ZBTB20: variants seen among roughly 807,000 people sequenced by gnomAD.
The protein encoded by ZBTB20 is zinc finger and BTB domain-containing protein 20.
Under a neutral mutation model 56.9 loss-of-function variants are expected in ZBTB20, and 9 were observed. The ratio of observed to expected loss-of-function variants is 0.16; its 90% CI spans 0.10 to 0.28. The LOEUF (loss-of-function observed/expected upper bound fraction) is 0.28. Ranked by LOEUF, ZBTB20 falls within the 10% of genes least tolerant of loss-of-function variation. ZBTB20 has a pLI of 1.00. For missense variants in ZBTB20, 655 were observed against 1,003.0 expected (o/e 0.65, Z 4.69); for synonymous variants, 417 against 420.7 (o/e 0.99, Z 0.11).
chr3:114,630,403 A>G (rs1202104611), intron 6 of ZBTB20, among the ~76,000 whole-genome samples: 4 of 152,134 alleles, frequency 2.6e-5, no homozygotes, highest in Admixed American at 2.0e-4. Flanking sequence ...AATGAAAGCT[A>G]TTTACAGGGA....
intron 2 of ZBTB20, among the ~76,000 whole-genome samples, chr3:114,994,948 T>G (rs1013755256): frequency 6.6e-6 from 1 of 151,944 alleles, no homozygotes; most frequent in African/African-American, 2.4e-5. Flanking sequence ...GTGAGTTCAC[T>G]GTGGCCCTAC....
intron 6 of ZBTB20, among the ~76,000 whole-genome samples, chr3:114,598,698 T>A (rs1450555457): frequency 6.6e-6 from 1 of 152,066 alleles, no homozygotes; most frequent in Non-Finnish European, 1.5e-5. Context: ...TTATGAGGAA[T>A]TTTTTTCTCT....
At chr3:114,907,233 T>C (rs998768718) in intron 3 of ZBTB20, among the ~76,000 whole-genome samples, 5 of 151,868 alleles carry the variant, frequency 3.3e-5, no homozygotes, top group African/African-American at 9.7e-5. Context: ...GCTAATTTTT[T>C]GCATTTTGTG....
intron 7 of ZBTB20, among the ~76,000 whole-genome samples, chr3:114,395,114 A>G (rs1354537173): frequency 6.6e-6 from 1 of 152,198 alleles, no homozygotes; most frequent in East Asian, 1.9e-4. Flanking sequence ...TAAATTTAAA[A>G]TTGTTCCACT....
intron 7 of ZBTB20, among the ~76,000 whole-genome samples, chr3:114,471,816 T>A (rs1320959780): frequency 6.6e-6 from 1 of 152,210 alleles, no homozygotes; most frequent in Non-Finnish European, 1.5e-5. Context: ...AAGATATTTT[T>A]AAAATATTTA....
At chr3:114,699,678 G>GT (rs1370674806) in intron 5 of ZBTB20, among the ~76,000 whole-genome samples, 5 of 152,154 alleles carry the variant, frequency 3.3e-5, no homozygotes, top group African/African-American at 1.2e-4. Context: ...CCTTCAAAAA[G>GT]TTTTTTATTT....
intron 7 of ZBTB20, among the ~76,000 whole-genome samples, chr3:114,458,094 AATGG>A (rs1461637717): frequency 6.6e-6 from 1 of 152,126 alleles, no homozygotes; most frequent in Non-Finnish European, 1.5e-5. Context: ...TGGTGCTGAA[AATGG>A]ATGAAGGGAA....
At chr3:114,542,298 A>T in intron 6 of ZBTB20, among the ~76,000 whole-genome samples, 1 of 152,216 alleles carries the variant, frequency 6.6e-6, no homozygotes, top group East Asian at 1.9e-4. Flanking sequence ...TGTGCTTGAG[A>T]AATTCTAGCC....
chr3:115,075,261 A>G (rs1019644786), intron 1 of ZBTB20, among the ~76,000 whole-genome samples: 1 of 152,122 alleles, frequency 6.6e-6, no homozygotes, highest in Non-Finnish European at 1.5e-5. Context: ...CTTTATGTCC[A>G]TTAATTAGTA....
chr3:114,625,235 A>C (rs1486608937), intron 6 of ZBTB20, among the ~76,000 whole-genome samples: 15 of 152,158 alleles, frequency 9.9e-5, no homozygotes, highest in Non-Finnish European at 2.2e-4. Context: ...AGAGAAAAAA[A>C]AAAGCTGCCT....
intron 6 of ZBTB20, among the ~76,000 whole-genome samples, chr3:114,587,023 T>C (rs2055249658): frequency 7.6e-6 from 1 of 132,000 alleles, no homozygotes; most frequent in African/African-American, 2.8e-5. Context: ...TGAGATGAAG[T>C]CTCACTCTTG....
chr3:114,613,912 G>T (rs759334816), intron 6 of ZBTB20, among the ~76,000 whole-genome samples: 1 of 151,932 alleles, frequency 6.6e-6, no homozygotes, highest in Non-Finnish European at 1.5e-5. Context: ...ACTAGGTATT[G>T]GTTTAAATAT....
At chr3:114,455,313 G>C (rs2091945259) in intron 7 of ZBTB20, among the ~76,000 whole-genome samples, 1 of 152,094 alleles carries the variant, frequency 6.6e-6, no homozygotes, top group Non-Finnish European at 1.5e-5. Context: ...ATTACAAAAA[G>C]ACTGTTGGTG....
intron 2 of ZBTB20, among the ~76,000 whole-genome samples, chr3:114,988,879 G>T (rs1179739222): frequency 2.6e-5 from 4 of 152,108 alleles, no homozygotes; most frequent in South Asian, 2.1e-4. Context: ...TCATGTCTCT[G>T]TTGGCTGCAT....
At chr3:114,672,702 G>A (rs1412653869) in intron 6 of ZBTB20, among the ~76,000 whole-genome samples, 1 of 152,078 alleles carries the variant, frequency 6.6e-6, no homozygotes, top group Admixed American at 6.6e-5. Context: ...TCCTGGAAGC[G>A]CTGTAGCGTA....
At chr3:114,376,198 C>G (rs1311202382) in intron 10 of ZBTB20, among the ~76,000 whole-genome samples, 18 of 152,132 alleles carry the variant, frequency 1.2e-4, no homozygotes, top group Admixed American at 1.2e-3. Context: ...AAGCTAAAGA[C>G]CCATATCCTC....
At chr3:114,901,213 C>T (rs112508896) in intron 3 of ZBTB20, among the ~76,000 whole-genome samples, 2,549 of 151,056 alleles carry the variant, frequency 0.017, 38 homozygotes, top group African/African-American at 0.034. Context: ...GAGACTAGCC[C>T]GAGATTACGC....
At chr3:114,577,003 G>A (rs181024005) in intron 6 of ZBTB20, among the ~76,000 whole-genome samples, 12 of 152,230 alleles carry the variant, frequency 7.9e-5, no homozygotes, top group African/African-American at 2.6e-4. Context: ...AAGGACACTA[G>A]CTTTGGTAGC....
At chr3:115,099,587 C>T (rs1295821178) in intron 1 of ZBTB20, among the ~76,000 whole-genome samples, 1 of 152,190 alleles carries the variant, frequency 6.6e-6, no homozygotes, top group East Asian at 1.9e-4. Flanking sequence ...CTACCCCTCA[C>T]CTTATGTCCA....
Sources: gnomAD v4.1 joint callset for allele counts (sites outside exome capture counted in the v4.1 genomes callset) on GRCh38, gnomAD v4.1.1 for gene constraint, MANE v1.5 for transcripts, NCBI Gene and HGNC (gene_info 2026-07-23, HGNC 2026-07-21) for gene names.